The following ADGRB3 variants were observed in gnomAD, a reference collection of about 807,000 sequenced individuals.
ADGRB3 encodes brain-specific angiogenesis inhibitor 3.
A neutral mutation model predicts 193.4 loss-of-function variants in ADGRB3; 37 were observed. The observed-to-expected ratio is 0.19, with a 90% CI of 0.15 to 0.25. ADGRB3 has a LOEUF of 0.25. Among genes scored for constraint, ADGRB3 ranks in the 10% least tolerant of loss-of-function variants. The pLI is 1.00. For missense variants in ADGRB3, 1,637 were observed against 1,852.9 expected (o/e 0.88, Z 2.14); for synonymous variants, 690 against 644.2 (o/e 1.07, Z -1.08).
At chr6:68,949,805 A>G (rs1767868146) in intron 6 of ADGRB3, among the ~76,000 whole-genome samples, 1 of 152,154 alleles carries the variant, frequency 6.6e-6, no homozygotes, top group African/African-American at 2.4e-5. Flanking sequence ...TTAGCTTAAA[A>G]GATTTTTAAA....
chr6:69,229,277 A>G (rs1766084925), intron 17 of ADGRB3, among the ~76,000 whole-genome samples: 1 of 152,182 alleles, frequency 6.6e-6, no homozygotes. Flanking sequence ...AGAATAATTT[A>G]TACCAAAAGC....
rs148065197 is a variant in ADGRB3, at chr6:68,652,368, C to T, written c.757+12936C>T. On this transcript the variant is annotated intron_variant, in intron 3 of 31. Coordinates refer to ENST00000370598, the MANE Select transcript of ADGRB3 (RefSeq NM_001704.3). ...TCACACTTGTGAAATAACAGATCTG[C>T]TCATGACCGACCTCTTGCTCCTGGA... is the stretch of plus-strand genomic sequence containing the variant. Among the ~76,000 whole-genome samples the T allele has an allele frequency of 1.1e-4, 16 of 152,264 alleles. No homozygotes were observed. In the East Asian group the frequency reaches 3.1e-3, roughly 29 times the overall value.
chr6:69,045,188 G>T (rs569614243), intron 13 of ADGRB3, among the ~76,000 whole-genome samples: 3 of 152,124 alleles, frequency 2.0e-5, no homozygotes, highest in Non-Finnish European at 2.9e-5. Context: ...TTGAAGGTCG[G>T]ATTGTTCTAG....
At chr6:68,803,276 C>A (rs1767345242) in intron 3 of ADGRB3, among the ~76,000 whole-genome samples, 2 of 152,108 alleles carry the variant, frequency 1.3e-5, no homozygotes, top group South Asian at 4.1e-4. Context: ...TTTACAGGAC[C>A]CTCCAGGCTA....
chr6:69,298,954 C>G (rs1160993264), intron 20 of ADGRB3, among the ~76,000 whole-genome samples: 3 of 151,888 alleles, frequency 2.0e-5, no homozygotes, highest in African/African-American at 2.4e-5. Flanking sequence ...TAAGGGGCCC[C>G]CATACTGTTC....
chr6:69,355,880 G>T lies in ADGRB3; in HGVS notation c.3595+20G>T. 6.4e-7 allele frequency: 1 copy of T among 1,573,706 alleles called. No individual in the cohort carries two copies. Among genetic ancestry groups the T allele is most frequent in the South Asian group, 1.1e-5 (1 of 89,970 alleles). On this transcript the variant is annotated intron_variant, in intron 28 of 31. Transcript: ENST00000370598. ...GATCAGGTAAGAATATTTAGATTTTGAAATCTAATCAGTAGGGATGTTCAA... is the reference window on the plus strand; with the variant it reads ...GATCAGGTAAGAATATTTAGATTTTTAAATCTAATCAGTAGGGATGTTCAA...
At chr6:68,947,910 G>T (rs1767815331) in intron 6 of ADGRB3, among the ~76,000 whole-genome samples, 1 of 152,128 alleles carries the variant, frequency 6.6e-6, no homozygotes, top group Admixed American at 6.6e-5. Context: ...TGTTACTCTT[G>T]AGAGTGAGGG....
At chr6:69,321,090 T>C (rs1317272748) in intron 20 of ADGRB3, among the ~76,000 whole-genome samples, 2 of 151,702 alleles carry the variant, frequency 1.3e-5, no homozygotes, top group East Asian at 3.9e-4. Context: ...TGTCAATTTG[T>C]TCTTTATATA....
intron 15 of ADGRB3, among the ~76,000 whole-genome samples, chr6:69,057,387 G>T (rs1377307727): frequency 1.3e-5 from 2 of 151,924 alleles, no homozygotes; most frequent in African/African-American, 4.8e-5. Context: ...CCATTTGGAT[G>T]CCTTTTATTT....
chr6:69,280,188 G>A (rs921802093), intron 20 of ADGRB3, among the ~76,000 whole-genome samples: 7 of 152,180 alleles, frequency 4.6e-5, no homozygotes, highest in African/African-American at 1.7e-4. Flanking sequence ...TCATTATAAT[G>A]GAAGCCCAAG....
intron 3 of ADGRB3, among the ~76,000 whole-genome samples, chr6:68,800,381 G>A (rs771097512): frequency 6.6e-6 from 1 of 152,172 alleles, no homozygotes; most frequent in African/African-American, 2.4e-5. Flanking sequence ...ATGTCTGTCA[G>A]ATGTGTGTTT....
chr6:68,908,973 T>A (rs1451569291), intron 3 of ADGRB3, among the ~76,000 whole-genome samples: 1 of 152,124 alleles, frequency 6.6e-6, no homozygotes, highest in Non-Finnish European at 1.5e-5. Context: ...TGAGACCCCC[T>A]CTTTTTCTTC....
At chr6:69,161,917 T>G (rs1162567483) in intron 17 of ADGRB3, among the ~76,000 whole-genome samples, 1 of 152,114 alleles carries the variant, frequency 6.6e-6, no homozygotes, top group Non-Finnish European at 1.5e-5. Context: ...GAGTCAGAGA[T>G]AGCCCCCAAA....
intron 3 of ADGRB3, among the ~76,000 whole-genome samples, chr6:68,894,988 T>A (rs1766180120): frequency 1.3e-5 from 2 of 151,938 alleles, no homozygotes; most frequent in South Asian, 4.1e-4. Flanking sequence ...AAAAAAAGTC[T>A]GCTTTTGTCA....
At chr6:68,661,009 C>T (rs1185457365) in intron 3 of ADGRB3, among the ~76,000 whole-genome samples, 1 of 150,232 alleles carries the variant, frequency 6.7e-6, no homozygotes, top group African/African-American at 2.4e-5. Context: ...TATATAATTA[C>T]TAACATATAT....
At chr6:69,263,532 C>G (rs923221122) in intron 20 of ADGRB3, among the ~76,000 whole-genome samples, 2 of 152,002 alleles carry the variant, frequency 1.3e-5, no homozygotes, top group Non-Finnish European at 2.9e-5. Flanking sequence ...CCACAATAAT[C>G]TAACAGAAAC....
At chr6:68,651,113 T>G (rs1450173457) in intron 3 of ADGRB3, among the ~76,000 whole-genome samples, 1 of 152,202 alleles carries the variant, frequency 6.6e-6, no homozygotes, top group African/African-American at 2.4e-5. Flanking sequence ...AAATGTCAGT[T>G]TATTTTGGCT....
chr6:69,271,766 C>A (rs1356536842), intron 20 of ADGRB3, among the ~76,000 whole-genome samples: 1 of 151,986 alleles, frequency 6.6e-6, no homozygotes, highest in African/African-American at 2.4e-5. Flanking sequence ...ACACCCCTTT[C>A]CAATTACAGG....
chr6:68,817,134 C>T (rs932965556), intron 3 of ADGRB3, among the ~76,000 whole-genome samples: 1 of 151,500 alleles, frequency 6.6e-6, no homozygotes, highest in African/African-American at 2.4e-5. Context: ...TCAGCACCAG[C>T]ACCCTATGCC....
Sources: allele counts gnomAD v4.1 joint callset (sites outside exome capture counted in the v4.1 genomes callset), GRCh38; gene constraint gnomAD v4.1.1; transcripts MANE v1.5; gene names NCBI Gene and HGNC (gene_info 2026-07-23, HGNC 2026-07-21).